The following PITPNC1 variants were observed in gnomAD, a reference collection of about 807,000 sequenced individuals.
PITPNC1 encodes the protein phosphatidylinositol transfer protein cytoplasmic 1.
In PITPNC1, 18 loss-of-function variants were observed where a neutral mutation model predicts 44.7. The observed-to-expected ratio is 0.40, with a 90% CI of 0.28 to 0.60. The LOEUF (loss-of-function observed/expected upper bound fraction) is 0.60, where lower values mean the gene tolerates loss of function less well. Among genes scored for constraint, PITPNC1 ranks in the 20% least tolerant of loss-of-function variants. The probability of loss-of-function intolerance (pLI) is 0.39; values close to 1 mark genes in which losing one functional copy is unlikely to be tolerated. For missense variants in PITPNC1, 290 were observed against 418.4 expected, an observed-to-expected ratio of 0.69 and a Z score of 2.68; for synonymous variants, 141 against 149.6, an observed-to-expected ratio of 0.94 and a Z score of 0.42.
intron 6 of PITPNC1, among the ~76,000 whole-genome samples, chr17:67,641,175 A>C (rs1301932941): frequency 2.0e-5 from 3 of 152,316 alleles, no homozygotes; most frequent in East Asian, 3.9e-4. Context: ...AAGACTTTAC[A>C]GCAGAGATGG....
intron 6 of PITPNC1, among the ~76,000 whole-genome samples, chr17:67,651,340 C>T (rs1212113738): frequency 6.6e-6 from 1 of 152,098 alleles, no homozygotes; most frequent in African/African-American, 2.4e-5. Context: ...TGGCGAAACC[C>T]CATCTCTACT....
chr17:67,559,962 T>C (rs2040885775), intron 4 of PITPNC1, among the ~76,000 whole-genome samples: 1 of 152,086 alleles, frequency 6.6e-6, no homozygotes, highest in Non-Finnish European at 1.5e-5. Context: ...ACGACCAAGC[T>C]CAAAAATCGT....
chr17:67,525,842 T>C (rs2040385336), intron 1 of PITPNC1, among the ~76,000 whole-genome samples: 1 of 152,216 alleles, frequency 6.6e-6, no homozygotes, highest in African/African-American at 2.4e-5. Context: ...ACTCTCTGCT[T>C]TTCCAACATA....
intron 5 of PITPNC1, among the ~76,000 whole-genome samples, chr17:67,625,860 T>C (rs1357470476): frequency 1.3e-5 from 2 of 152,184 alleles, no homozygotes; most frequent in Non-Finnish European, 2.9e-5. Flanking sequence ...AGATCTCTGA[T>C]GATCAGATGA....
chr17:67,548,010 CCT>C (rs1444686220), intron 2 of PITPNC1, among the ~76,000 whole-genome samples: 2 of 152,172 alleles, frequency 1.3e-5, no homozygotes, highest in African/African-American at 4.8e-5. Context: ...GCACCCTGGG[CCT>C]CTCTCTGCTC....
At chr17:67,657,047 A>G (rs1359927313) in intron 6 of PITPNC1, among the ~76,000 whole-genome samples, 1 of 152,194 alleles carries the variant, frequency 6.6e-6, no homozygotes, top group Non-Finnish European at 1.5e-5. Flanking sequence ...GGGAGGTGTT[A>G]AGGAGGACAG....
intron 5 of PITPNC1, chr17:67,611,785 A>T (rs1016953496): frequency 3.3e-5 from 5 of 152,174 alleles, no homozygotes; most frequent in Non-Finnish European, 7.4e-5. Context: ...AATGGTTTTT[A>T]AAACAAAAAT....
intron 1 of PITPNC1, among the ~76,000 whole-genome samples, chr17:67,449,985 A>G (rs1030454861): frequency 6.6e-6 from 1 of 152,160 alleles, no homozygotes. Context: ...CCACTGAGCC[A>G]GATTTTGAAT....
At chr17:67,447,949 CTTCT>C (rs199789679) in intron 1 of PITPNC1, among the ~76,000 whole-genome samples, 6,021 of 149,892 alleles carry the variant, frequency 0.04, 153 homozygotes, top group Middle Eastern at 0.068. Context: ...TCCTTCCTTC[CTTCT>C]TTCTTTCTTT....
intron 8 of PITPNC1, among the ~76,000 whole-genome samples, chr17:67,681,592 G>A (rs1445021486): frequency 2.1e-5 from 2 of 95,240 alleles, no homozygotes; most frequent in African/African-American, 4.2e-5. Context: ...CTAGGTGACA[G>A]AGCAAAACCC....
At chr17:67,431,098 G>A (rs575438313) in intron 1 of PITPNC1, among the ~76,000 whole-genome samples, 1 of 128,982 alleles carries the variant, frequency 7.8e-6, no homozygotes, top group African/African-American at 2.9e-5. Flanking sequence ...TTGCTCTGTC[G>A]CCCAGGCCGG....
At chr17:67,660,516 T>G (rs928706467) in intron 6 of PITPNC1, among the ~76,000 whole-genome samples, 5 of 139,064 alleles carry the variant, frequency 3.6e-5, no homozygotes, top group African/African-American at 1.5e-4. Flanking sequence ...TATTTTATTT[T>G]ATTTTATTTA....
chr17:67,560,386 G>T (rs1439161696), intron 4 of PITPNC1, among the ~76,000 whole-genome samples: 3 of 152,200 alleles, frequency 2.0e-5, no homozygotes, highest in Non-Finnish European at 4.4e-5. Flanking sequence ...GTTTTTTGAA[G>T]AATGCCCAAC....
At chr17:67,578,983 A>G (rs550510683) in intron 5 of PITPNC1, among the ~76,000 whole-genome samples, 2 of 152,364 alleles carry the variant, frequency 1.3e-5, no homozygotes, top group East Asian at 3.9e-4. Flanking sequence ...CTCCATCTCA[A>G]AAAAATAAAA....
chr17:67,658,503 C>T (rs2042300018), intron 6 of PITPNC1, among the ~76,000 whole-genome samples: 1 of 152,192 alleles, frequency 6.6e-6, no homozygotes, highest in Non-Finnish European at 1.5e-5. Context: ...CACCCCACCC[C>T]CAGTATCCTC....
intron 1 of PITPNC1, among the ~76,000 whole-genome samples, chr17:67,425,892 G>A (rs1035238614): frequency 6.6e-6 from 1 of 152,082 alleles, no homozygotes; most frequent in African/African-American, 2.4e-5. Flanking sequence ...TAAGGTCTAT[G>A]TCACAACCAC....
At chr17:67,494,903 G>C (rs950259574) in intron 1 of PITPNC1, among the ~76,000 whole-genome samples, 1 of 151,852 alleles carries the variant, frequency 6.6e-6, no homozygotes, top group Non-Finnish European at 1.5e-5. Context: ...AGCCCAGGGG[G>C]TCAAGGCTGC....
chr17:67,390,995 A>T (rs1176167365), intron 1 of PITPNC1, among the ~76,000 whole-genome samples: 1 of 151,944 alleles, frequency 6.6e-6, no homozygotes, highest in Non-Finnish European at 1.5e-5. Flanking sequence ...GTGGAAGTCG[A>T]CTCATGTATC....
intron 1 of PITPNC1, among the ~76,000 whole-genome samples, chr17:67,464,744 CT>C (rs201595421): frequency 6.9e-4 from 102 of 146,836 alleles, no homozygotes; most frequent in East Asian, 9.9e-4. Context: ...AACTCTCTCA[CT>C]TTTTTTTTTT....
Sources: allele counts gnomAD v4.1 joint callset (sites outside exome capture counted in the v4.1 genomes callset), GRCh38; gene constraint gnomAD v4.1.1; transcripts MANE v1.5; gene names NCBI Gene and HGNC (gene_info 2026-07-23, HGNC 2026-07-21).